The following EBI3 variants were observed in gnomAD, a reference collection of about 807,000 sequenced individuals.
EBI3 encodes the protein Epstein-Barr virus induced 3.
A neutral mutation model predicts 21.3 loss-of-function variants in EBI3; 19 were observed. That is an observed-to-expected ratio of 0.89 (90% CI 0.62 to 1.31). The LOEUF (loss-of-function observed/expected upper bound fraction) is 1.31, where lower values mean the gene tolerates loss of function less well. Among genes scored for constraint, EBI3 ranks in the 50% most tolerant of loss-of-function variants. The pLI is 0.00. For missense variants in EBI3, 331 were observed against 314.0 expected, an observed-to-expected ratio of 1.05 and a Z score of -0.41; for synonymous variants, 154 against 131.2, an observed-to-expected ratio of 1.17 and a Z score of -1.19.
chr19:4,233,437 T>G lies in EBI3; in HGVS notation c.379+130T>G, dbSNP rs1308211779. 2.3e-5 allele frequency: 24 copies of G among 1,047,810 alleles called. 1 individual carries two copies. The highest frequency in any genetic ancestry group is 9.8e-5 in the South Asian group (6 of 60,914). The allele number at this position is 1,047,810 out of a possible 1,614,324, so 64.9% of individuals were successfully genotyped here. On this transcript the variant is annotated intron_variant, in intron 3 of 4. Transcript: ENST00000221847. ...ACTTAAGCAAAAATCTGACCCCTTC[T>G]TCCCCCTCCTCTACCAGTACGTGGA...
At chr19:4,236,865 G>T (rs1020655518) in intron 4 of EBI3, 71 bp from the exon 5 acceptor site, 1 of 1,410,754 alleles carries the variant, frequency 7.1e-7, no homozygotes, top group Admixed American at 2.6e-5. Flanking sequence ...ACGCTCCGTT[G>T]TGTGGTTCTG....
intron 1 of EBI3, 79 bp downstream of exon 1, chr19:4,229,696 G>A: frequency 7.0e-7 from 1 of 1,429,498 alleles, no homozygotes; most frequent in Non-Finnish European, 9.5e-7. Context: ...CATGTCTGGG[G>A]TGGGAAATCA....
In EBI3 at chr19:4,234,707, C is replaced by A. The variant is rs529741207; in HGVS notation, c.420C>A (p.Leu140=). 5.0e-6 allele frequency: 8 copies of A among 1,614,146 alleles called. No individual in the cohort carries two copies. The East Asian group carries it at 1.6e-4, about 31-fold the overall frequency. The change falls in exon 4 of 5, where the codon CTC becomes CTA. Residue 140 remains leucine (L), a synonymous_variant. Coordinates refer to ENST00000221847, the MANE Select transcript of EBI3 (RefSeq NM_005755.3). ...DPPEGVRLSP[L]AERQLQVQWE... ...CAGAAGGCGTGCGCCTAAGCCCCCT[C>A]GCTGAGCGCCAGCTACAGGTGCAGT... is the stretch of plus-strand genomic sequence containing the variant.
chr19:4,230,825 C>G (rs570696642), intron 1 of EBI3, among the ~76,000 whole-genome samples: 2 of 151,272 alleles, frequency 1.3e-5, no homozygotes, highest in African/African-American at 4.9e-5. Context: ...GGCAGTGAGC[C>G]GAGATCTCGC....
rs555105075 is a variant in EBI3, at chr19:4,229,728, G to A, written c.67+111G>A. 6 of 1,150,338 alleles carry A rather than the reference G, an allele frequency of 5.2e-6. No homozygotes were observed. In the African/African-American group the frequency reaches 7.8e-5, roughly 15 times the overall value. The allele number at this position is 1,150,338 out of a possible 1,614,324, so 71.3% of individuals were successfully genotyped here. A position where few individuals can be genotyped will look rare whatever the true frequency, so the allele number is the denominator to read the frequency against. On this transcript the variant is annotated intron_variant, in intron 1 of 4. Transcript: ENST00000221847. ...ATCACATCCTCCCGTGCCCAATGGT[G>A]GGATGGGGTTACCCTCCCATTGTAC... is the stretch of plus-strand genomic sequence containing the variant.
In EBI3 at chr19:4,231,210, A is replaced by G. The variant is rs1394312635; in HGVS notation, c.87A>G (p.Thr29=). 3 of 1,599,674 alleles carry G rather than the reference A, an allele frequency of 1.9e-6. No individual in the cohort carries two copies. The highest frequency in any genetic ancestry group is 3.5e-5 in the Admixed American group (2 of 56,382). ...SGRKGPPAAL[T]LPRVQCRASR... is the part of the protein sequence containing the mutation. ...CTCCAGGGCCCCCAGCAGCTCTGAC[A>G]CTGCCCCGGGTGCAATGCCGAGCCT... The change falls in exon 2 of 5, where the codon ACA becomes ACG. Residue 29 remains threonine, a synonymous_variant. Transcript: ENST00000221847.
Position 4,237,221 on chromosome 19 carries a change from G to A in EBI3, c.*133G>A. On this transcript the variant is annotated 3_prime_UTR_variant, in exon 5 of 5. Coordinates refer to ENST00000221847, the MANE Select transcript of EBI3 (RefSeq NM_005755.3). ...TGCTTTGCTGCTGCTGAGCTGCCGG[G>A]CAACCTCAGATGACCGACTTTTCCC... 1 of 1,163,616 alleles carries A rather than the reference G, an allele frequency of 8.6e-7. No homozygotes were observed. The highest frequency in any genetic ancestry group is 1.1e-6 in the Non-Finnish European group (1 of 886,512). The allele number at this position is 1,163,616 out of a possible 1,614,324, so 72.1% of individuals were successfully genotyped here. A position where few individuals can be genotyped will look rare whatever the true frequency, so the allele number is the denominator to read the frequency against.
intron 1 of EBI3, 59 bp from the exon 2 acceptor site, chr19:4,231,132 G>C: frequency 6.7e-7 from 1 of 1,492,294 alleles, no homozygotes; most frequent in Middle Eastern, 2.0e-4. Flanking sequence ...CCCAGCGCAC[G>C]GGAGGGCTAT....
chr19:4,229,638 A>C (rs400089), intron 1 of EBI3, 21 bp downstream of exon 1: 1 of 1,592,086 alleles, frequency 6.3e-7, no homozygotes, highest in African/African-American at 1.3e-5. Context: ...CCCCTGGGGG[A>C]CTGGGGGGCC....
intron 4 of EBI3, among the ~76,000 whole-genome samples, chr19:4,236,545 C>CAAAAAAAAAA (rs1297914086): frequency 5.0e-5 from 2 of 40,048 alleles, no homozygotes; most frequent in African/African-American, 1.2e-4. Context: ...AAAAAAAAAG[C>CAAAAAAAAAA]ATGGTTAATA....
chr19:4,237,222 C>A lies in EBI3; in HGVS notation c.*134C>A. Reference sequence around the variant, plus strand: ...GCTTTGCTGCTGCTGAGCTGCCGGGCAACCTCAGATGACCGACTTTTCCCT... The same window carrying A: ...GCTTTGCTGCTGCTGAGCTGCCGGGAAACCTCAGATGACCGACTTTTCCCT... On this transcript the variant is annotated 3_prime_UTR_variant, in exon 5 of 5. Coordinates refer to ENST00000221847, the MANE Select transcript of EBI3 (RefSeq NM_005755.3). The A allele has an allele frequency of 8.7e-7, 1 of 1,153,498 alleles. No homozygotes were observed. Among genetic ancestry groups the A allele is most frequent in the Non-Finnish European group, 1.1e-6 (1 of 876,766 alleles). 71.5% of individuals were successfully genotyped at this position (1,153,498 alleles called of 1,614,324 possible). A position where few individuals can be genotyped will look rare whatever the true frequency, so the allele number is the denominator to read the frequency against.
At chr19:4,234,642 A>G in intron 3 of EBI3, 25 bp from the exon 4 acceptor site, 5 of 1,606,118 alleles carry the variant, frequency 3.1e-6, no homozygotes, top group Non-Finnish European at 4.3e-6. Flanking sequence ...CTGTCCCCTG[A>G]CCCTGCTTCC....
At chr19:4,231,507 T>C (rs1353995439) in intron 2 of EBI3, among the ~76,000 whole-genome samples, 184 bp downstream of exon 2, 4 of 152,138 alleles carry the variant, frequency 2.6e-5, no homozygotes, top group African/African-American at 9.7e-5. Flanking sequence ...CAGTGGTGCA[T>C]GCCTGTAATC....
At position 4,237,143 on chromosome 19, in the gene EBI3, C is replaced by G. The variant is rs1046642473; in HGVS notation, c.*55C>G. ...CCTGGGTCCTCGCCACCCTAAGCCC[C>G]GGGACACCTGTTGGAGGGCGGATGG... On this transcript the variant is annotated 3_prime_UTR_variant, in exon 5 of 5. Transcript: ENST00000221847. The G allele has an allele frequency of 2.8e-6, 4 of 1,407,310 alleles. No individual in the cohort carries two copies. Among genetic ancestry groups the G allele is most frequent in the African/African-American group, 1.5e-5 (1 of 67,414 alleles). 87.2% of individuals were successfully genotyped at this position (1,407,310 alleles called of 1,614,324 possible).
In EBI3 at chr19:4,232,496, T is replaced by C. The variant is rs181557807; in HGVS notation, c.201-633T>C. 5.3e-5 allele frequency among the ~76,000 whole-genome samples: 8 copies of C among 151,444 alleles called. No individual in the cohort carries two copies. In the East Asian group the frequency reaches 1.4e-3, roughly 26 times the overall value. ...TACTTGGGAGGCCGAGGTGGGAGGA[T>C]CACTTGAGCCCAGAAGTTCAAGACC... is the stretch of plus-strand genomic sequence containing the variant. On this transcript the variant is annotated intron_variant, in intron 2 of 4. Transcript: ENST00000221847.
intron 2 of EBI3, 31 bp from the exon 3 acceptor site, chr19:4,233,098 T>G: frequency 6.5e-7 from 1 of 1,536,234 alleles, no homozygotes. Flanking sequence ...AGGCACTCCC[T>G]GAGGCGCTCA....
In EBI3 at chr19:4,237,468, A is replaced by T. The variant is rs1970851329; in HGVS notation, c.*380A>T. The T allele has an allele frequency of 6.4e-6, 1 of 155,962 alleles. No homozygotes were observed. The allele number at this position is 155,962 out of a possible 1,614,324, so 9.7% of individuals were successfully genotyped here. On this transcript the variant is annotated 3_prime_UTR_variant, in exon 5 of 5. Coordinates refer to ENST00000221847, the MANE Select transcript of EBI3 (RefSeq NM_005755.3). ...GGTAGCTTGAGGCCAGGAGCTCGAA[A>T]CCAGTCCGGGCCACACAGCAAGACC...
intron 2 of EBI3, among the ~76,000 whole-genome samples, chr19:4,232,837 GATGGATGA>G (rs1568355588): frequency 1.4e-5 from 2 of 143,160 alleles, no homozygotes; most frequent in Non-Finnish European, 3.0e-5. Context: ...TGAATGAATG[GATGGATGA>G]ATGAATGAAT....
chr19:4,233,213 G>C lies in EBI3; in HGVS notation c.285G>C (p.Gln95His). 4 of 1,612,870 alleles carry C rather than the reference G, an allele frequency of 2.5e-6. No homozygotes were observed. The highest frequency in any genetic ancestry group is 1.3e-5 in the African/African-American group (1 of 75,014). Residue 95 changes from glutamine (Q) to histidine (H), a missense_variant, in exon 3 of 5, where the codon CAG becomes CAC. Coordinates refer to ENST00000221847, the MANE Select transcript of EBI3 (RefSeq NM_005755.3). ...CCAGCTGCACCATCACGGATGTCCA[G>C]CTGTTCTCCATGGCTCCCTACGTGC... ...TSTSCTITDVQLFSMAPYVLN... is the reference protein window; with the variant it reads ...TSTSCTITDVHLFSMAPYVLN...
Sources: gnomAD v4.1 joint callset for allele counts (sites outside exome capture counted in the v4.1 genomes callset) on GRCh38, gnomAD v4.1.1 for gene constraint, MANE v1.5 for transcripts, NCBI Gene and HGNC (gene_info 2026-07-23, HGNC 2026-07-21) for gene names.